Variants in PRKCE observed in about 807,000 individuals in gnomAD.
The protein encoded by PRKCE is protein kinase C epsilon type.
PRKCE carries 16 observed loss-of-function variants against 85.4 expected under a neutral mutation model. The ratio of observed to expected loss-of-function variants is 0.19; its 90% CI spans 0.13 to 0.28. PRKCE has a LOEUF of 0.28. Among genes scored for constraint, PRKCE ranks in the 10% least tolerant of loss-of-function variants. The pLI, the probability that PRKCE is intolerant of heterozygous loss-of-function variation, is 1.00. For synonymous variants in PRKCE, 388 were observed against 371.5 expected (o/e 1.04, Z -0.51); for missense variants, 573 against 975.2 (o/e 0.59, Z 5.49).
At chr2:45,682,381 G>A (rs1364398862) in intron 1 of PRKCE, among the ~76,000 whole-genome samples, 1 of 151,992 alleles carries the variant, frequency 6.6e-6, no homozygotes, top group Admixed American at 6.6e-5. Context: ...GGTGGTAAGG[G>A]GGTAGTTTGG....
At chr2:45,906,552 A>T (rs1052650440) in intron 2 of PRKCE, among the ~76,000 whole-genome samples, 1 of 152,022 alleles carries the variant, frequency 6.6e-6, no homozygotes, top group African/African-American at 2.4e-5. Flanking sequence ...TGTCTCCCCA[A>T]ACACCTTTCC....
At chr2:45,828,406 A>G (rs1335402194) in intron 1 of PRKCE, among the ~76,000 whole-genome samples, 5 of 152,250 alleles carry the variant, frequency 3.3e-5, no homozygotes, top group African/African-American at 1.2e-4. Flanking sequence ...TCTCAAAAAA[A>G]TAAAATAAAA....
chr2:45,699,858 C>T (rs530033365), intron 1 of PRKCE, among the ~76,000 whole-genome samples: 3 of 152,148 alleles, frequency 2.0e-5, no homozygotes, highest in South Asian at 2.1e-4. Context: ...GTGTGGATGC[C>T]GCCGCTTGTG....
chr2:45,970,575 C>A (rs1702043199), intron 2 of PRKCE, among the ~76,000 whole-genome samples: 1 of 151,988 alleles, frequency 6.6e-6, no homozygotes, highest in South Asian at 2.1e-4. Flanking sequence ...CTGTTCTAGA[C>A]TAAGATTAAG....
At chr2:46,055,718 A>G (rs1375475077) in intron 10 of PRKCE, among the ~76,000 whole-genome samples, 1 of 151,756 alleles carries the variant, frequency 6.6e-6, no homozygotes, top group Non-Finnish European at 1.5e-5. Flanking sequence ...GCTGGAATGC[A>G]GTGGCAAGAT....
intron 1 of PRKCE, among the ~76,000 whole-genome samples, chr2:45,766,339 C>A (rs1684907122): frequency 2.0e-5 from 3 of 152,194 alleles, no homozygotes; most frequent in Admixed American, 1.3e-4. Context: ...AGACCTCTGT[C>A]AATTCTGAAG....
intron 13 of PRKCE, among the ~76,000 whole-genome samples, chr2:46,152,999 A>C (rs1676797711): frequency 6.6e-6 from 1 of 150,470 alleles, no homozygotes; most frequent in Admixed American, 6.6e-5. Context: ...TCTTTCCCTC[A>C]CCTCATTCCT....
intron 2 of PRKCE, among the ~76,000 whole-genome samples, chr2:45,863,422 G>C (rs1389675621): frequency 6.6e-6 from 1 of 152,008 alleles, no homozygotes; most frequent in Non-Finnish European, 1.5e-5. Flanking sequence ...AGTCCCAAAG[G>C]CTGCTCCGTG....
intron 10 of PRKCE, among the ~76,000 whole-genome samples, chr2:46,074,667 G>A (rs532106590): frequency 3.3e-5 from 5 of 152,142 alleles, no homozygotes; most frequent in South Asian, 2.1e-4. Flanking sequence ...TTGAGTTTCT[G>A]GAATCAGAGT....
chr2:45,914,568 T>C (rs1014836540), intron 2 of PRKCE, among the ~76,000 whole-genome samples: 7 of 152,194 alleles, frequency 4.6e-5, no homozygotes, highest in Non-Finnish European at 1.0e-4. Flanking sequence ...TTTCTCTCAC[T>C]CCACCAGGCT....
At chr2:45,775,537 A>C (rs1407976960) in intron 1 of PRKCE, among the ~76,000 whole-genome samples, 1 of 152,174 alleles carries the variant, frequency 6.6e-6, no homozygotes, top group Non-Finnish European at 1.5e-5. Context: ...TGGAAGATGG[A>C]AAGTGGGAGC....
intron 2 of PRKCE, 46 bp from the exon 3 acceptor site, chr2:45,976,383 C>T: frequency 1.3e-6 from 2 of 1,581,072 alleles, no homozygotes; most frequent in Non-Finnish European, 1.7e-6. Context: ...TTTGAAGGTG[C>T]ACTAACCCAG....
At chr2:45,985,525 A>T (rs1703247913) in intron 6 of PRKCE, among the ~76,000 whole-genome samples, 1 of 152,198 alleles carries the variant, frequency 6.6e-6, no homozygotes, top group Non-Finnish European at 1.5e-5. Context: ...TATTATTCAT[A>T]AATTCCCATT....
chr2:45,910,075 G>T (rs1558822507), intron 2 of PRKCE, among the ~76,000 whole-genome samples: 1 of 151,706 alleles, frequency 6.6e-6, no homozygotes, highest in African/African-American at 2.4e-5. Flanking sequence ...AGGAATGTGT[G>T]ACCAGGATAC....
chr2:45,973,527 G>T (rs1446304476), intron 2 of PRKCE, among the ~76,000 whole-genome samples: 1 of 152,156 alleles, frequency 6.6e-6, no homozygotes, highest in Non-Finnish European at 1.5e-5. Context: ...AATAGTAATA[G>T]AAACCTTGGA....
At chr2:46,007,101 C>G (rs1705271943) in intron 8 of PRKCE, among the ~76,000 whole-genome samples, 1 of 152,190 alleles carries the variant, frequency 6.6e-6, no homozygotes, top group Admixed American at 6.5e-5. Context: ...ATACCTGTGA[C>G]TCTGCAGAAT....
chr2:46,090,561 C>G (rs964924608), intron 11 of PRKCE, among the ~76,000 whole-genome samples: 6 of 152,188 alleles, frequency 3.9e-5, no homozygotes, highest in Non-Finnish European at 7.3e-5. Context: ...GCCCCAGAGT[C>G]TTCTAATCCA....
At chr2:45,913,675 T>C (rs1028622308) in intron 2 of PRKCE, among the ~76,000 whole-genome samples, 3 of 152,254 alleles carry the variant, frequency 2.0e-5, no homozygotes, top group African/African-American at 7.2e-5. Context: ...TTTTTCTGTC[T>C]ATCCATGCAT....
chr2:46,167,358 A>G lies in PRKCE; in HGVS notation c.2067+7606A>G, dbSNP rs551563129. 2.6e-5 allele frequency among the ~76,000 whole-genome samples: 4 copies of G among 152,328 alleles called. No homozygotes were observed. In the East Asian group the frequency reaches 7.7e-4, roughly 29 times the overall value. The stretch of plus-strand genomic sequence containing the variant: ...TGAAATGAGTAGCACAGTGCCTGAT[A>G]CAGGTGAACACTTGGATGGTGTTGA... On this transcript the variant is annotated intron_variant, in intron 14 of 14. Coordinates refer to ENST00000306156, the MANE Select transcript of PRKCE (RefSeq NM_005400.3).
Sources: allele counts gnomAD v4.1 joint callset (sites outside exome capture counted in the v4.1 genomes callset), GRCh38; gene constraint gnomAD v4.1.1; transcripts MANE v1.5; gene names NCBI Gene and HGNC (gene_info 2026-07-23, HGNC 2026-07-21).